The following EPHA6 variants were observed in gnomAD, a reference collection of about 807,000 sequenced individuals.
The protein encoded by EPHA6 is EPH receptor A6, also known as ephrin type-A receptor 6.
In EPHA6, 50 loss-of-function variants were observed where a neutral mutation model predicts 112.0. The observed-to-expected ratio is 0.45, with a 90% CI of 0.36 to 0.56. EPHA6 has a LOEUF of 0.56. Ranked by LOEUF, EPHA6 falls within the 20% of genes least tolerant of loss-of-function variation. The pLI, the probability that EPHA6 is intolerant of heterozygous loss-of-function variation, is 0.00. For synonymous variants in EPHA6, 529 were observed against 490.7 expected, an observed-to-expected ratio of 1.08 and a Z score of -1.03; for missense variants, 1,280 against 1,417.4, an observed-to-expected ratio of 0.90 and a Z score of 1.56.
intron 14 of EPHA6, among the ~76,000 whole-genome samples, chr3:97,675,266 G>A (rs541555325): frequency 2.6e-4 from 39 of 152,102 alleles, no homozygotes; most frequent in Non-Finnish European, 3.7e-4. Context: ...ATCACTTAAG[G>A]TCAGGAGCTC....
chr3:97,166,736 A>G (rs560787301), intron 3 of EPHA6, among the ~76,000 whole-genome samples: 1 of 152,238 alleles, frequency 6.6e-6, no homozygotes, highest in Non-Finnish European at 1.5e-5. Flanking sequence ...TTATCATAAC[A>G]ATGTTTTGTT....
intron 14 of EPHA6, among the ~76,000 whole-genome samples, chr3:97,674,710 G>T (rs754464131): frequency 1.3e-5 from 2 of 152,190 alleles, no homozygotes; most frequent in Non-Finnish European, 1.5e-5. Flanking sequence ...TTCAATTAAA[G>T]GAGACAGGAA....
chr3:96,941,735 T>A (rs962793999), intron 2 of EPHA6, among the ~76,000 whole-genome samples: 1 of 152,158 alleles, frequency 6.6e-6, no homozygotes, highest in Non-Finnish European at 1.5e-5. Context: ...GGTTTTATCT[T>A]GTTTTGGTCT....
At chr3:97,207,402 A>G (rs2108507927) in intron 3 of EPHA6, among the ~76,000 whole-genome samples, 1 of 152,314 alleles carries the variant, frequency 6.6e-6, no homozygotes, top group Non-Finnish European at 1.5e-5. Context: ...TGGTCAAGGA[A>G]TCAAACCACT....
intron 3 of EPHA6, among the ~76,000 whole-genome samples, chr3:97,006,968 CTGTT>C (rs576216090): frequency 1.3e-3 from 204 of 152,202 alleles, no homozygotes; most frequent in Admixed American, 2.7e-3. Context: ...TTTGGAGAGA[CTGTT>C]TGTTATTATT....
At chr3:97,136,285 T>C (rs2075766513) in intron 3 of EPHA6, among the ~76,000 whole-genome samples, 1 of 152,098 alleles carries the variant, frequency 6.6e-6, no homozygotes, top group Non-Finnish European at 1.5e-5. Flanking sequence ...ATATAAAATA[T>C]CTGAAGAACT....
intron 3 of EPHA6, among the ~76,000 whole-genome samples, chr3:97,042,778 C>G (rs894677265): frequency 6.6e-6 from 1 of 152,090 alleles, no homozygotes; most frequent in Non-Finnish European, 1.5e-5. Context: ...TAGCTCCATC[C>G]ATATCAGAGC....
chr3:97,540,772 C>G (rs2092837898), intron 11 of EPHA6, among the ~76,000 whole-genome samples: 1 of 152,142 alleles, frequency 6.6e-6, no homozygotes, highest in Non-Finnish European at 1.5e-5. Context: ...ATAATGTTTT[C>G]TTTTATACTG....
intron 3 of EPHA6, among the ~76,000 whole-genome samples, chr3:97,011,916 T>C (rs2044099362): frequency 6.6e-6 from 1 of 152,196 alleles, no homozygotes; most frequent in African/African-American, 2.4e-5. Context: ...AGTATGGTTT[T>C]CTGTTTGTGC....
intron 5 of EPHA6, among the ~76,000 whole-genome samples, chr3:97,373,194 C>T (rs751365228): frequency 9.9e-5 from 15 of 152,198 alleles, no homozygotes; most frequent in African/African-American, 3.4e-4. Context: ...TATTCACAAT[C>T]CCTCCTAAAA....
At chr3:96,996,348 C>T (rs1212875674) in intron 3 of EPHA6, among the ~76,000 whole-genome samples, 2 of 152,042 alleles carry the variant, frequency 1.3e-5, no homozygotes, top group Non-Finnish European at 2.9e-5. Context: ...TTTACCTCCT[C>T]CCATGAATCA....
chr3:96,856,176 G>T (rs1298842287), intron 1 of EPHA6, among the ~76,000 whole-genome samples: 1 of 151,986 alleles, frequency 6.6e-6, no homozygotes, highest in East Asian at 1.9e-4. Context: ...GGAGGTGGAG[G>T]TTGCAGTGAG....
chr3:97,523,251 A>ATT (rs1010896948), intron 10 of EPHA6, among the ~76,000 whole-genome samples: 3 of 152,066 alleles, frequency 2.0e-5, no homozygotes, highest in African/African-American at 7.2e-5. Flanking sequence ...GTCCGAGGAT[A>ATT]TTTTTAACTT....
At chr3:97,462,231 G>A (rs1577477830) in intron 7 of EPHA6, among the ~76,000 whole-genome samples, 1 of 152,152 alleles carries the variant, frequency 6.6e-6, no homozygotes, top group South Asian at 2.1e-4. Context: ...GACTAAATGA[G>A]TTAACATATG....
At chr3:97,369,185 C>T (rs911100378) in intron 5 of EPHA6, among the ~76,000 whole-genome samples, 1 of 152,082 alleles carries the variant, frequency 6.6e-6, no homozygotes. Flanking sequence ...CTCCTGGAGG[C>T]CAGAACATGC....
intron 4 of EPHA6, among the ~76,000 whole-genome samples, chr3:97,240,784 A>T (rs1476158449): frequency 6.6e-6 from 1 of 151,822 alleles, no homozygotes; most frequent in African/African-American, 2.4e-5. Context: ...TTTTTGGGAA[A>T]TGTTGGATTC....
At chr3:96,985,579 A>G in intron 2 of EPHA6, among the ~76,000 whole-genome samples, 1 of 152,298 alleles carries the variant, frequency 6.6e-6, no homozygotes, top group East Asian at 1.9e-4. Flanking sequence ...GTATATTCCC[A>G]TGAGATTTTT....
intron 3 of EPHA6, among the ~76,000 whole-genome samples, chr3:97,007,289 G>T (rs1312195662): frequency 6.6e-6 from 1 of 152,178 alleles, no homozygotes; most frequent in Non-Finnish European, 1.5e-5. Flanking sequence ...GTGCCCTCCT[G>T]TATTGGTTGC....
At chr3:97,667,512 G>A (rs1050826995) in intron 14 of EPHA6, among the ~76,000 whole-genome samples, 3 of 152,114 alleles carry the variant, frequency 2.0e-5, no homozygotes, top group Admixed American at 2.0e-4. Flanking sequence ...AGGAATTTAT[G>A]TTATACAATA....
Sources: allele counts gnomAD v4.1 joint callset (sites outside exome capture counted in the v4.1 genomes callset), GRCh38; gene constraint gnomAD v4.1.1; transcripts MANE v1.5; gene names NCBI Gene and HGNC (gene_info 2026-07-23, HGNC 2026-07-21).